Variants in MINDY4 observed in about 807,000 individuals in gnomAD.
MINDY4 encodes MINDY lysine 48 deubiquitinase 4.
In MINDY4, 68 loss-of-function variants were observed where a neutral mutation model predicts 87.0. The ratio of observed to expected loss-of-function variants is 0.78; its 90% confidence interval spans 0.64 to 0.96. MINDY4 has a LOEUF of 0.96. Ranked by LOEUF, MINDY4 falls within the 40% of genes least tolerant of loss-of-function variation. The pLI is 0.00. For synonymous variants in MINDY4, 379 were observed against 363.2 expected, an observed-to-expected ratio of 1.04 and a Z score of -0.50; for missense variants, 919 against 928.2, an observed-to-expected ratio of 0.99 and a Z score of 0.13.
chr7:30,840,049 G>T (rs1371155101), intron 8 of MINDY4, among the ~76,000 whole-genome samples: 1 of 152,076 alleles, frequency 6.6e-6, no homozygotes, highest in Admixed American at 6.5e-5. Context: ...CCCTCTTGTG[G>T]CCAAACTCAG....
Position 30,882,186 on chromosome 7 carries a change from C to A in MINDY4, c.1977C>A (p.Gly659=). Residue 659 remains glycine, a synonymous_variant, in exon 16 of 18, where the codon GGC becomes GGA. Transcript: ENST00000265299. ...CAGGCCTCTCCCTCATCCAGGTTGG[C>A]TGCTTCCTGAAGACCCCGAGGTTCC... ...LFEHYNMCQV[G]CFLKTPRFPI... 1 of 1,605,240 alleles carries A rather than the reference C, an allele frequency of 6.2e-7. No individual in the cohort carries two copies. Among genetic ancestry groups the A allele is most frequent in the Non-Finnish European group, 8.5e-7 (1 of 1,173,502 alleles).
Position 30,785,932 on chromosome 7 carries a change from G to C in MINDY4, c.603G>C (p.Arg201Ser), listed in dbSNP as rs370755966. 1 of 1,614,070 alleles carries C rather than the reference G, an allele frequency of 6.2e-7. No individual in the cohort carries two copies. ...LDVKRMGENS[R>S]PKSGLIVRGM... is the part of the protein sequence containing the mutation. Reference sequence around the variant, plus strand: ...TGAAGAGGATGGGAGAGAATTCCAGGCCAAAGTCTGGTCTGATTGTGCGAG... The same window carrying C: ...TGAAGAGGATGGGAGAGAATTCCAGCCCAAAGTCTGGTCTGATTGTGCGAG... The change falls in exon 4 of 18, where the codon AGG (arginine) becomes AGC (serine). Residue 201 changes from arginine to serine, a missense_variant. By Grantham distance (110) the Arg-to-Ser change is moderately radical. Transcript: ENST00000265299.
intron 6 of MINDY4, among the ~76,000 whole-genome samples, chr7:30,834,357 C>T (rs1562547011): frequency 6.6e-6 from 1 of 152,252 alleles, no homozygotes; most frequent in Non-Finnish European, 1.5e-5. Flanking sequence ...TTTGAAGCCA[C>T]AGCCTGAGCT....
chr7:30,782,275 C>G (rs1316918199), intron 3 of MINDY4, 63 bp downstream of exon 3: 3 of 1,260,158 alleles, frequency 2.4e-6, no homozygotes, highest in Non-Finnish European at 3.4e-6. Flanking sequence ...TTACTATGTA[C>G]TTCATGGCTG....
intron 6 of MINDY4, among the ~76,000 whole-genome samples, chr7:30,836,130 G>A (rs1260423052): frequency 6.6e-6 from 1 of 152,232 alleles, no homozygotes; most frequent in African/African-American, 2.4e-5. Flanking sequence ...TGTTGTGGAA[G>A]AAGGTGATCA....
In MINDY4 at chr7:30,848,126, CAG is replaced by C. The variant is rs993446561; in HGVS notation, c.1446-2327_1446-2326del. ...AGTAAGTTAGTGTAGAAGTGTTTGA[CAG>C]GGGGTCTCCTTACTTCCAGATATGG... On this transcript the variant is annotated intron_variant, in intron 9 of 17. Transcript: ENST00000265299. Among the ~76,000 whole-genome samples, 78 of 152,314 alleles carry C rather than the reference CAG, an allele frequency of 5.1e-4. 2 individuals carry two copies. The Middle Eastern group carries it at 0.014, about 27-fold the overall frequency.
intron 9 of MINDY4, among the ~76,000 whole-genome samples, chr7:30,847,686 A>G (rs1487364996): frequency 1.3e-5 from 2 of 151,886 alleles, no homozygotes; most frequent in Admixed American, 6.6e-5. Flanking sequence ...AGTGTCTGGC[A>G]CATGATAAAT....
chr7:30,870,915 C>T (rs1385679061), intron 13 of MINDY4, among the ~76,000 whole-genome samples: 1 of 152,036 alleles, frequency 6.6e-6, no homozygotes, highest in Non-Finnish European at 1.5e-5. Flanking sequence ...TGTGTGCCCC[C>T]CCAGGGCCAT....
chr7:30,798,409 T>C (rs1787553932), intron 5 of MINDY4, among the ~76,000 whole-genome samples: 1 of 151,938 alleles, frequency 6.6e-6, no homozygotes. Flanking sequence ...AAGAGGGGGG[T>C]TGCCGTTCCC....
chr7:30,810,174 CAAAAAAAAAAA>C (rs58498956), intron 5 of MINDY4, among the ~76,000 whole-genome samples: 6 of 66,698 alleles, frequency 9.0e-5, no homozygotes, highest in Non-Finnish European at 1.6e-4. Flanking sequence ...GACTCTGTTT[CAAAAAAAAAAA>C]AAAAAAAAAA....
chr7:30,818,814 T>G (rs898608599), intron 5 of MINDY4, among the ~76,000 whole-genome samples: 2 of 152,214 alleles, frequency 1.3e-5, no homozygotes, highest in African/African-American at 4.8e-5. Context: ...AGTTTTGTGA[T>G]TTTTCTAGAA....
At chr7:30,864,943 C>T (rs950842172) in intron 13 of MINDY4, among the ~76,000 whole-genome samples, 3 of 152,124 alleles carry the variant, frequency 2.0e-5, no homozygotes, top group African/African-American at 7.2e-5. Flanking sequence ...GTGGGTGGTT[C>T]GTGGGGTGAG....
chr7:30,782,451 C>T (rs1206055907), intron 3 of MINDY4, among the ~76,000 whole-genome samples: 1 of 152,020 alleles, frequency 6.6e-6, no homozygotes, highest in Non-Finnish European at 1.5e-5. Flanking sequence ...CCTGTAATCC[C>T]AGCACTTTGG....
chr7:30,840,793 G>T lies in MINDY4; in HGVS notation c.1390G>T (p.Gly464Cys). The T allele has an allele frequency of 6.2e-7, 1 of 1,614,194 alleles. No individual in the cohort carries two copies. Residue 464 changes from glycine (G) to cysteine (C), a missense_variant, in exon 9 of 18, where the codon GGC (glycine) becomes TGC (cysteine). Physicochemically the swap from Gly to Cys is radical, Grantham distance 159. Transcript: ENST00000265299. ...TTGCGGAGTCCTGGCAGCTGTCCAA[G>T]GCTGTGTCCTACAGAAACTCCTGTT... ...GPCGVLAAVQ[G>C]CVLQKLLFEG...
intron 5 of MINDY4, among the ~76,000 whole-genome samples, chr7:30,817,474 A>C (rs1788189076): frequency 1.3e-5 from 2 of 149,984 alleles, no homozygotes; most frequent in South Asian, 4.2e-4. Flanking sequence ...CTGCTTCTCC[A>C]GCAGTTCAGT....
At chr7:30,827,015 G>T (rs1017808087) in intron 5 of MINDY4, among the ~76,000 whole-genome samples, 1 of 152,192 alleles carries the variant, frequency 6.6e-6, no homozygotes, top group Non-Finnish European at 1.5e-5. Context: ...GACTTTGGCA[G>T]CCATATAAAG....
At chr7:30,847,952 C>G (rs143969720) in intron 9 of MINDY4, among the ~76,000 whole-genome samples, 120 of 152,254 alleles carry the variant, frequency 7.9e-4, no homozygotes, top group African/African-American at 2.8e-3. Context: ...GGGCTGTTCT[C>G]AAACTCCTGG....
intron 8 of MINDY4, among the ~76,000 whole-genome samples, chr7:30,840,416 T>A (rs899593417): frequency 1.2e-4 from 18 of 152,158 alleles, no homozygotes; most frequent in African/African-American, 4.1e-4. Context: ...GGGTAGACAA[T>A]TAACACCCTC....
In MINDY4 at chr7:30,892,019, G is replaced by A. The variant is rs191511671; in HGVS notation, c.*14G>A. The stretch of plus-strand genomic sequence containing the variant: ...CCCATCCTGTGACCGTTGGATGTGG[G>A]TAAACCCTGTGGTCCACCACTCATC... On this transcript the variant is annotated 3_prime_UTR_variant, in exon 18 of 18. Coordinates refer to ENST00000265299, the MANE Select transcript of MINDY4 (RefSeq NM_032222.3). 3.1e-6 allele frequency: 5 copies of A among 1,613,982 alleles called. No individual in the cohort carries two copies. The highest frequency in any genetic ancestry group is 4.5e-5 in the East Asian group (2 of 44,880).
Sources: allele counts gnomAD v4.1 joint callset (sites outside exome capture counted in the v4.1 genomes callset), GRCh38; gene constraint gnomAD v4.1.1; transcripts MANE v1.5; gene names NCBI Gene and HGNC (gene_info 2026-07-23, HGNC 2026-07-21).